The following GLIS3 variants were observed in gnomAD, a reference collection of about 807,000 sequenced individuals.
GLIS3 encodes the protein zinc finger protein GLIS3.
A neutral mutation model predicts 78.6 loss-of-function variants in GLIS3; 53 were observed. The observed-to-expected ratio is 0.67, with a 90% CI of 0.54 to 0.85. The LOEUF (loss-of-function observed/expected upper bound fraction) is 0.85. Ranked by LOEUF, GLIS3 falls within the 40% of genes least tolerant of loss-of-function variation. The pLI is 0.00. For missense variants in GLIS3, 1,703 were observed against 1,231.1 expected, an observed-to-expected ratio of 1.38 and a Z score of -5.74; for synonymous variants, 684 against 509.9, an observed-to-expected ratio of 1.34 and a Z score of -4.60.
At chr9:3,855,699 C>A in intron 9 of GLIS3, 2 of 379,212 alleles carry the variant, frequency 5.3e-6, no homozygotes, top group Admixed American at 7.4e-5. Context: ...CCTGTCATTT[C>A]TTTCTCCATG....
chr9:3,956,764 G>C (rs1817139775), intron 4 of GLIS3, among the ~76,000 whole-genome samples: 4 of 152,098 alleles, frequency 2.6e-5, no homozygotes, highest in Admixed American at 2.6e-4. Flanking sequence ...TTTCATTACA[G>C]AAACAATCTT....
At chr9:4,225,149 A>G (rs752104006) in intron 2 of GLIS3, among the ~76,000 whole-genome samples, 9 of 151,842 alleles carry the variant, frequency 5.9e-5, no homozygotes, top group Non-Finnish European at 1.2e-4. Context: ...GAGCTTGCCT[A>G]TATATACAAA....
chr9:4,309,425 T>C (rs1013507098), intron 3 of GLIS3, among the ~76,000 whole-genome samples: 2 of 152,128 alleles, frequency 1.3e-5, no homozygotes, highest in Non-Finnish European at 2.9e-5. Context: ...GGGAGCACAG[T>C]ATAAGTAACA....
intron 9 of GLIS3, among the ~76,000 whole-genome samples, chr9:3,832,372 G>T (rs543202993): frequency 6.6e-6 from 1 of 152,094 alleles, no homozygotes; most frequent in South Asian, 2.1e-4. Context: ...TGTAAGAAAG[G>T]ACAAAGCAGC....
intron 6 of GLIS3, among the ~76,000 whole-genome samples, chr9:3,919,034 G>C (rs1824700321): frequency 6.6e-6 from 1 of 152,150 alleles, no homozygotes; most frequent in South Asian, 2.1e-4. Flanking sequence ...TGGAATGGGG[G>C]ACAGTGACCA....
chr9:3,877,022 G>A (rs759924631), intron 8 of GLIS3, among the ~76,000 whole-genome samples: 3 of 152,028 alleles, frequency 2.0e-5, no homozygotes, highest in Admixed American at 6.5e-5. Flanking sequence ...TAAAGGCTGC[G>A]TACAAAAAGG....
chr9:4,019,894 T>C (rs1048450960), intron 4 of GLIS3, among the ~76,000 whole-genome samples: 3 of 152,064 alleles, frequency 2.0e-5, no homozygotes, highest in Non-Finnish European at 2.9e-5. Flanking sequence ...TACAGGTGCA[T>C]GCCACTTAAA....
intron 2 of GLIS3, among the ~76,000 whole-genome samples, chr9:4,177,740 A>G (rs1816936057): frequency 6.6e-6 from 1 of 152,228 alleles, no homozygotes; most frequent in African/African-American, 2.4e-5. Context: ...AAATCTTCAT[A>G]TGGAAAGTGT....
chr9:4,311,399 ACT>A (rs1297941707), intron 2 of GLIS3, among the ~76,000 whole-genome samples: 1 of 152,094 alleles, frequency 6.6e-6, no homozygotes, highest in East Asian at 1.9e-4. Context: ...ACAGAGCAAG[ACT>A]CTGTCTCAAA....
intron 2 of GLIS3, among the ~76,000 whole-genome samples, chr9:4,176,575 A>G (rs1816831664): frequency 6.6e-6 from 1 of 152,128 alleles, no homozygotes; most frequent in Non-Finnish European, 1.5e-5. Flanking sequence ...ATTAAAAAAA[A>G]ACACTGCAAA....
intron 6 of GLIS3, among the ~76,000 whole-genome samples, chr9:3,918,145 C>T (rs1824645260): frequency 2.0e-5 from 3 of 152,166 alleles, no homozygotes; most frequent in Admixed American, 2.0e-4. Flanking sequence ...TCCATGTTCC[C>T]TCTTTCCTGG....
At chr9:4,419,408 T>G in the GLIS3 span, among the ~76,000 whole-genome samples, 8 of 152,138 alleles carry the variant, frequency 5.3e-5, no homozygotes, top group African/African-American at 1.9e-4. Flanking sequence ...GCTCAGTTTC[T>G]GGGGAGGCCT....
intron 2 of GLIS3, among the ~76,000 whole-genome samples, chr9:4,331,296 CT>C (rs1817681406): frequency 1.3e-5 from 2 of 152,222 alleles, no homozygotes; most frequent in South Asian, 4.2e-4. Flanking sequence ...GCGTGTGTGT[CT>C]CTGAGTCCTC....
intron 1 of GLIS3, among the ~76,000 whole-genome samples, chr9:4,295,251 G>A (rs1040099835): frequency 6.6e-6 from 1 of 152,030 alleles, no homozygotes; most frequent in African/African-American, 2.4e-5. Context: ...GGTTGCCTTA[G>A]TGGAAGGAAC....
intron 2 of GLIS3, among the ~76,000 whole-genome samples, chr9:4,328,870 C>T (rs1268790643): frequency 6.6e-6 from 1 of 152,204 alleles, no homozygotes; most frequent in East Asian, 1.9e-4. Context: ...ACTGTTATTA[C>T]TATTAGAAGA....
chr9:3,855,972 T>C lies in GLIS3; in HGVS notation c.2473+37A>G, dbSNP rs1295732370. The C allele has an allele frequency of 1.9e-6, 3 of 1,610,630 alleles. No individual in the cohort carries two copies. The African/African-American group carries it at 4.0e-5, about 22-fold the overall frequency. On this transcript the variant is annotated intron_variant, in intron 9 of 10. Transcript: ENST00000381971. ...ATGAAAAGCAACAGCACAATGTCAC[T>C]TTTCAAAACTCAAGGGACTGCCAGC...
At chr9:4,375,615 A>T in the GLIS3 span, among the ~76,000 whole-genome samples, 1 of 152,318 alleles carries the variant, frequency 6.6e-6, no homozygotes, top group East Asian at 1.9e-4. Context: ...AAAAAGTAAC[A>T]ACTAAGTAGA....
rs562586981 is a variant in GLIS3, at chr9:4,099,944, G to A, written c.1710+17824C>T. Among the ~76,000 whole-genome samples the A allele has an allele frequency of 3.3e-5, 5 of 152,154 alleles. No individual in the cohort carries two copies. In the South Asian group the frequency reaches 1.0e-3, roughly 32 times the overall value. On this transcript the variant is annotated intron_variant, in intron 4 of 10. Coordinates refer to ENST00000381971, the MANE Select transcript of GLIS3 (RefSeq NM_001042413.2). Reference sequence around the variant, plus strand: ...TCTGTTTAATAATCTCTTCACTTGGGCAATTCTCTCATGTAATTTCTCTGA... The same window carrying A: ...TCTGTTTAATAATCTCTTCACTTGGACAATTCTCTCATGTAATTTCTCTGA...
chr9:4,022,358 T>G (rs1232520361), intron 4 of GLIS3, among the ~76,000 whole-genome samples: 1 of 152,220 alleles, frequency 6.6e-6, no homozygotes, highest in Non-Finnish European at 1.5e-5. Flanking sequence ...TAAGAGCATA[T>G]TTTATAAAAG....
Sources: gnomAD v4.1 joint callset for allele counts (sites outside exome capture counted in the v4.1 genomes callset) on GRCh38, gnomAD v4.1.1 for gene constraint, MANE v1.5 for transcripts, NCBI Gene and HGNC (gene_info 2026-07-23, HGNC 2026-07-21) for gene names.